Variants in NUP205 observed in about 807,000 individuals in gnomAD.
NUP205 encodes nucleoporin 205.
Under a neutral mutation model 253.8 loss-of-function variants are expected in NUP205, and 76 were observed. The ratio of observed to expected loss-of-function variants is 0.30; its 90% CI spans 0.25 to 0.36. NUP205 has a LOEUF of 0.36. Among genes scored for constraint, NUP205 ranks in the 10% least tolerant of loss-of-function variants. The pLI is 1.00. For missense variants in NUP205, 2,162 were observed against 2,425.5 expected, an observed-to-expected ratio of 0.89 and a Z score of 2.28; for synonymous variants, 832 against 850.1, an observed-to-expected ratio of 0.98 and a Z score of 0.37.
rs1780071203 is a variant in NUP205 at position 135,614,148 on chromosome 7, T to G, written c.3196-11T>G. 7.0e-7 allele frequency: 1 copy of G among 1,436,272 alleles called. No homozygotes were observed. Among genetic ancestry groups the G allele is most frequent in the African/African-American group, 1.4e-5 (1 of 71,310 alleles). The allele number at this position is 1,436,272 out of a possible 1,614,324, so 89.0% of individuals were successfully genotyped here. A position where few individuals can be genotyped will look rare whatever the true frequency, so the allele number is the denominator to read the frequency against. On this transcript the variant is annotated splice_polypyrimidine_tract_variant and intron_variant, in intron 22 of 42. Transcript: ENST00000285968. ...ACTGATTCAGGGATTTTTCTTACTT[T>G]AATGCTTTAGGTCATATATCAGTTA...
chr7:135,625,345 A>G lies in NUP205; in HGVS notation c.4661A>G (p.Glu1554Gly). 1.3e-6 allele frequency: 2 copies of G among 1,587,542 alleles called. No individual in the cohort carries two copies. The highest frequency in any genetic ancestry group is 1.7e-6 in the Non-Finnish European group (2 of 1,169,822). The change falls in exon 32 of 43, where the codon GAA becomes GGA. Residue 1554 changes from glutamate (E) to glycine (G), a missense_variant. Transcript: ENST00000285968. Reference sequence around the variant, plus strand: ...CTTTTAAAAGCACTTTATACTTATGAATCTAAAATGGTAAGGCTTTCTAGA... The same window carrying G: ...CTTTTAAAAGCACTTTATACTTATGGATCTAAAATGGTAAGGCTTTCTAGA... The part of the protein sequence containing the change: ...PPLLKALYTY[E>G]SKMAFLTRVA...
chr7:135,641,049 C>T lies in NUP205; in HGVS notation c.5393-2143C>T, dbSNP rs961551743. Among the ~76,000 whole-genome samples, 29 of 151,844 alleles carry T rather than the reference C, an allele frequency of 1.9e-4. 1 individual carries two copies. ...CTCTAACAAAAAAAAAAGTTTGCTG[C>T]CAGGAAGATAGGATAAAAAGGGGCC... On this transcript the variant is annotated intron_variant, in intron 38 of 42. Coordinates refer to ENST00000285968, the MANE Select transcript of NUP205 (RefSeq NM_015135.3).
chr7:135,559,941 G>T (rs975052568), intron 1 of NUP205, among the ~76,000 whole-genome samples: 1 of 150,314 alleles, frequency 6.7e-6, no homozygotes, highest in Non-Finnish European at 1.5e-5. Context: ...TCACTGCAAC[G>T]TCCGCCTCCT....
In NUP205 at chr7:135,617,173, C is replaced by A; in HGVS notation, c.3616C>A (p.Arg1206=). The change falls in exon 26 of 43, where the codon CGG becomes AGG. Residue 1206 remains arginine (R), a synonymous_variant. Transcript: ENST00000285968. ...PEPLQLDFFD[R]AQIEQVIANC... ...GCCTTTGCAGTTGGATTTTTTTGAT[C>A]GGGCCCAGATTGAACAAGTTATTGC... The A allele has an allele frequency of 6.2e-7, 1 of 1,613,578 alleles. No homozygotes were observed. Among genetic ancestry groups the A allele is most frequent in the Non-Finnish European group, 8.5e-7 (1 of 1,179,696 alleles).
At chr7:135,566,295 G>A (rs1325663862) in intron 1 of NUP205, among the ~76,000 whole-genome samples, 1 of 151,996 alleles carries the variant, frequency 6.6e-6, no homozygotes, top group Non-Finnish European at 1.5e-5. Flanking sequence ...TTCTAGTAGA[G>A]ACGGAGTTTC....
rs1305246070 is a variant in NUP205 at position 135,591,583 on chromosome 7, T to G, written c.1607T>G (p.Val536Gly). Residue 536 changes from valine (V) to glycine (G), a missense_variant, in exon 11 of 43, where the codon GTC becomes GGC. Around this residue, in one of 5 missense-constraint regions of NUP205, gnomAD observed 892 missense variants for 957.1 expected, o/e 0.93. Coordinates refer to ENST00000285968, the MANE Select transcript of NUP205 (RefSeq NM_015135.3). Reference sequence around the variant, plus strand: ...CACTACTGTTTCAGCCTGCTCAAAGTCAATGGTAGTAGTCATGGTAAGGAA... The same window carrying G: ...CACTACTGTTTCAGCCTGCTCAAAGGCAATGGTAGTAGTCATGGTAAGGAA... ...CAHYCFSLLK[V>G]NGSSHVENIQ... The G allele has an allele frequency of 1.2e-6, 2 of 1,612,812 alleles. No individual in the cohort carries two copies. The highest frequency in any genetic ancestry group is 2.7e-5 in the African/African-American group (2 of 75,016).
Position 135,614,212 on chromosome 7 carries a change from C to A in NUP205, c.3249C>A (p.Tyr1083Ter). 1 of 1,612,548 alleles carries A rather than the reference C, an allele frequency of 6.2e-7. No homozygotes were observed. Among genetic ancestry groups the A allele is most frequent in the Non-Finnish European group, 8.5e-7 (1 of 1,178,744 alleles). ...ATACATCTGGTCCTACTATGAGGTA[C>A]TTGAGAACCAGCCAGGATTTCTTAT... The part of the protein sequence containing the change: ...CSDTSGPTMR[Y>*]LRTSQDFLFS... Residue 1083 changes from tyrosine (Y) to a stop codon, truncating the protein, a stop_gained, in exon 23 of 43, where the codon TAC (tyrosine) becomes TAA (stop). Transcript: ENST00000285968. LOFTEE classifies it high-confidence loss of function.
intron 35 of NUP205, among the ~76,000 whole-genome samples, chr7:135,631,121 C>T (rs918982434): frequency 6.6e-6 from 1 of 152,112 alleles, no homozygotes; most frequent in South Asian, 2.1e-4. Flanking sequence ...CAGAGACATA[C>T]AGAGGCAACT....
intron 22 of NUP205, among the ~76,000 whole-genome samples, chr7:135,609,104 C>CAAAA (rs1163880987): frequency 1.5e-5 from 1 of 66,186 alleles, no homozygotes; most frequent in South Asian, 5.4e-4. Flanking sequence ...AACTCCGTCT[C>CAAAA]AAAAAAAAAA....
At chr7:135,619,346 A>G in intron 28 of NUP205, 77 bp from the exon 29 acceptor site, 1 of 1,495,712 alleles carries the variant, frequency 6.7e-7, no homozygotes, top group South Asian at 1.3e-5. Context: ...TGTCTTCAAA[A>G]AAAAAAAGCT....
At chr7:135,567,035 G>C (rs759140240) in intron 1 of NUP205, among the ~76,000 whole-genome samples, 1 of 148,418 alleles carries the variant, frequency 6.7e-6, no homozygotes, top group Non-Finnish European at 1.5e-5. Flanking sequence ...CACTGCACCC[G>C]GCCTGGAATT....
At chr7:135,581,457 G>A (rs1030751716) in intron 7 of NUP205, among the ~76,000 whole-genome samples, 1 of 151,888 alleles carries the variant, frequency 6.6e-6, no homozygotes, top group Admixed American at 6.6e-5. Flanking sequence ...TGAGGCAGGA[G>A]GATCACTTGA....
intron 24 of NUP205, 65 bp downstream of exon 24, chr7:135,616,130 A>C: frequency 6.8e-7 from 1 of 1,470,176 alleles, no homozygotes; most frequent in South Asian, 1.3e-5. Context: ...CACAAATCTG[A>C]AGCTTGTGCT....
intron 1 of NUP205, among the ~76,000 whole-genome samples, chr7:135,562,674 A>G (rs1805621442): frequency 6.7e-6 from 1 of 149,180 alleles, no homozygotes; most frequent in African/African-American, 2.5e-5. Flanking sequence ...CAGCCTCCTG[A>G]GTAGCTGGGA....
At chr7:135,623,649 G>A (rs545553766) in intron 31 of NUP205, among the ~76,000 whole-genome samples, 1 of 151,984 alleles carries the variant, frequency 6.6e-6, no homozygotes, top group South Asian at 2.1e-4. Context: ...ATGATGCAGT[G>A]AGAAGATAAC....
At chr7:135,580,753 A>G (rs1299916993) in intron 7 of NUP205, among the ~76,000 whole-genome samples, 2 of 152,156 alleles carry the variant, frequency 1.3e-5, no homozygotes, top group Non-Finnish European at 2.9e-5. Flanking sequence ...GCGAGCCACC[A>G]TGCCCAGGTG....
intron 22 of NUP205, among the ~76,000 whole-genome samples, chr7:135,612,933 A>G (rs577311201): frequency 2.0e-5 from 3 of 152,252 alleles, no homozygotes; most frequent in Non-Finnish European, 4.4e-5. Context: ...AAATGTTCAT[A>G]TTAGCCACGC....
At position 135,627,578 on chromosome 7, in the gene NUP205, C is replaced by T. The variant is rs74569779; in HGVS notation, c.4794-395C>T. 5.5e-3 allele frequency among the ~76,000 whole-genome samples: 842 copies of T among 152,278 alleles called. 13 individuals carry two copies. Among genetic ancestry groups the T allele is most frequent in the East Asian group, 0.05 (257 of 5,178 alleles). On this transcript the variant is annotated intron_variant, in intron 33 of 42. Coordinates refer to ENST00000285968, the MANE Select transcript of NUP205 (RefSeq NM_015135.3). ...GGTACTCACCCTATACAATGGGCAGCATAGTGGATTTTTGGCTTGGGTAGA... is the reference window on the plus strand; with the variant it reads ...GGTACTCACCCTATACAATGGGCAGTATAGTGGATTTTTGGCTTGGGTAGA...
At chr7:135,575,562 C>A (rs1419918308) in intron 3 of NUP205, among the ~76,000 whole-genome samples, 1 of 152,134 alleles carries the variant, frequency 6.6e-6, no homozygotes, top group Non-Finnish European at 1.5e-5. Flanking sequence ...TTTGGGAGGC[C>A]AAGGCAGGTG....
Sources: allele counts gnomAD v4.1 joint callset (sites outside exome capture counted in the v4.1 genomes callset), GRCh38; gene constraint gnomAD v4.1.1; regional missense constraint gnomAD v4.1.1; transcripts MANE v1.5; gene names NCBI Gene and HGNC (gene_info 2026-07-23, HGNC 2026-07-21).